Variants in PRKCA observed in about 807,000 individuals in gnomAD.
PRKCA encodes the protein protein kinase C alpha type.
PRKCA carries 27 observed loss-of-function variants against 87.0 expected under a neutral mutation model. The ratio of observed to expected loss-of-function variants is 0.31; its 90% CI spans 0.23 to 0.43. The LOEUF (loss-of-function observed/expected upper bound fraction) is 0.43. Among genes scored for constraint, PRKCA ranks in the 20% least tolerant of loss-of-function variants. PRKCA has a pLI of 1.00. For missense variants in PRKCA, 518 were observed against 852.3 expected (o/e 0.61, Z 4.88); for synonymous variants, 329 against 311.1 (o/e 1.06, Z -0.61).
At chr17:66,694,836 A>G (rs138357477) in intron 8 of PRKCA, among the ~76,000 whole-genome samples, 8 of 150,202 alleles carry the variant, frequency 5.3e-5, no homozygotes, top group Non-Finnish European at 1.2e-4. Context: ...ACAGTTCCCG[A>G]AGTTCTTATT....
intron 9 of PRKCA, among the ~76,000 whole-genome samples, chr17:66,734,371 T>C (rs1368926135): frequency 6.6e-6 from 1 of 152,222 alleles, no homozygotes; most frequent in Non-Finnish European, 1.5e-5. Context: ...ATGAGTTTTC[T>C]GGGAAAGGGG....
chr17:66,506,989 G>A (rs1273579980), intron 3 of PRKCA, among the ~76,000 whole-genome samples: 1 of 152,146 alleles, frequency 6.6e-6, no homozygotes, highest in Admixed American at 6.5e-5. Context: ...GAAGATCCAC[G>A]GCACAGGATG....
At chr17:66,777,299 A>T in intron 14 of PRKCA, 2 of 985,148 alleles carry the variant, frequency 2.0e-6, no homozygotes, top group Non-Finnish European at 2.4e-6. Flanking sequence ...TATATTTCCT[A>T]AATACTGAAA....
At chr17:66,490,226 A>T (rs973552970) in intron 2 of PRKCA, among the ~76,000 whole-genome samples, 4 of 152,146 alleles carry the variant, frequency 2.6e-5, no homozygotes, top group Non-Finnish European at 5.9e-5. Flanking sequence ...TAAGTTAAAA[A>T]TTTTTATAGT....
intron 3 of PRKCA, among the ~76,000 whole-genome samples, chr17:66,532,027 T>G (rs1394048982): frequency 6.6e-6 from 1 of 152,108 alleles, no homozygotes; most frequent in Non-Finnish European, 1.5e-5. Context: ...ATTCAGCGCC[T>G]TTGCTGACAG....
intron 3 of PRKCA, among the ~76,000 whole-genome samples, chr17:66,611,740 C>T (rs1970369957): frequency 6.6e-6 from 1 of 152,190 alleles, no homozygotes; most frequent in African/African-American, 2.4e-5. Context: ...TTTTGAAGAA[C>T]TGGCAGTTTT....
intron 2 of PRKCA, among the ~76,000 whole-genome samples, chr17:66,333,217 T>A (rs757821841): frequency 6.6e-6 from 1 of 152,198 alleles, no homozygotes; most frequent in Non-Finnish European, 1.5e-5. Context: ...TTACAAATAA[T>A]TTAAAAATAG....
At chr17:66,622,918 T>C (rs1228841954) in intron 3 of PRKCA, among the ~76,000 whole-genome samples, 5 of 152,246 alleles carry the variant, frequency 3.3e-5, no homozygotes, top group Non-Finnish European at 4.4e-5. Context: ...GTGGGAATTA[T>C]GGGAGTACAA....
At position 66,352,558 on chromosome 17, in the gene PRKCA, GTTTTTTTTTTT is replaced by G. The variant is rs56317931; in HGVS notation, c.205+46445_205+46455del. 3.6e-5 allele frequency among the ~76,000 whole-genome samples: 3 copies of G among 83,758 alleles called. No individual in the cohort carries two copies. In the Admixed American group the frequency reaches 5.8e-4, roughly 16 times the overall value. 54.9% of individuals were successfully genotyped at this position (83,758 alleles called of 152,430 possible). On this transcript the variant is annotated intron_variant, in intron 2 of 16. Coordinates refer to ENST00000413366, the MANE Select transcript of PRKCA (RefSeq NM_002737.3). The stretch of plus-strand genomic sequence containing the variant: ...TCTTGAATTTGTGGTGTTTTTTGAG[GTTTTTTTTTTT>G]TTTTTTTTTTTTTGAGATGGAGTCT...
intron 2 of PRKCA, among the ~76,000 whole-genome samples, chr17:66,328,571 G>A (rs545587515): frequency 3.7e-4 from 57 of 152,228 alleles, no homozygotes; most frequent in African/African-American, 1.4e-3. Context: ...GCTGAAATGG[G>A]CAGATCACTT....
At chr17:66,612,723 T>C (rs1399929865) in intron 3 of PRKCA, among the ~76,000 whole-genome samples, 7 of 151,672 alleles carry the variant, frequency 4.6e-5, no homozygotes, top group Admixed American at 3.9e-4. Context: ...CTGATTCTGT[T>C]GGAGGTTTTT....
At chr17:66,362,787 C>T (rs1416665741) in intron 2 of PRKCA, among the ~76,000 whole-genome samples, 2 of 152,086 alleles carry the variant, frequency 1.3e-5, no homozygotes, top group East Asian at 3.9e-4. Context: ...CTCTGCCTCC[C>T]AGGTTCAAGC....
chr17:66,316,011 A>G (rs1198833496), intron 2 of PRKCA, among the ~76,000 whole-genome samples: 4 of 152,082 alleles, frequency 2.6e-5, no homozygotes, highest in African/African-American at 9.7e-5. Context: ...AAGGAAGGAG[A>G]TATTTTTTGA....
intron 8 of PRKCA, among the ~76,000 whole-genome samples, chr17:66,696,158 G>A (rs1049572421): frequency 2.0e-5 from 3 of 152,188 alleles, no homozygotes; most frequent in African/African-American, 4.8e-5. Flanking sequence ...GCTGGGCATC[G>A]TATATTCCTT....
At chr17:66,587,895 GTATATATATATATATATATATATATA>G (rs71160580) in intron 3 of PRKCA, among the ~76,000 whole-genome samples, 3 of 85,418 alleles carry the variant, frequency 3.5e-5, no homozygotes, top group Admixed American at 2.6e-4. Flanking sequence ...GTGTGTGTGT[GTATATATATATATATATATATATATA>G]TATATATATA....
intron 2 of PRKCA, among the ~76,000 whole-genome samples, chr17:66,482,987 G>A (rs1915848215): frequency 6.6e-6 from 1 of 152,090 alleles, no homozygotes; most frequent in African/African-American, 2.4e-5. Context: ...CATTAGTTTG[G>A]TAATAGCTCT....
At chr17:66,406,604 TTTTTTA>T (rs1284689984) in intron 2 of PRKCA, among the ~76,000 whole-genome samples, 41 of 147,152 alleles carry the variant, frequency 2.8e-4, no homozygotes, top group African/African-American at 9.7e-4. Flanking sequence ...TTTTTTTTTT[TTTTTTA>T]AATGTCATAG....
chr17:66,645,592 C>T (rs1971430492), intron 5 of PRKCA, 81 bp downstream of exon 5: 1 of 1,578,050 alleles, frequency 6.3e-7, no homozygotes, highest in East Asian at 2.2e-5. Context: ...AGGGTGGGGG[C>T]TGGGCTGGAT....
chr17:66,364,437 CA>C, intron 2 of PRKCA: 1 of 151,758 alleles, frequency 6.6e-6, no homozygotes, highest in Non-Finnish European at 1.5e-5. Context: ...GGTTTTGTGC[CA>C]AAAAATAGGA....
Sources: allele counts gnomAD v4.1 joint callset (sites outside exome capture counted in the v4.1 genomes callset), GRCh38; gene constraint gnomAD v4.1.1; transcripts MANE v1.5; gene names NCBI Gene and HGNC (gene_info 2026-07-23, HGNC 2026-07-21).